KAT6B: variants seen among roughly 807,000 people sequenced by gnomAD.
KAT6B encodes the protein lysine acetyltransferase 6B, also known as histone acetyltransferase KAT6B.
Under a neutral mutation model 187.5 loss-of-function variants are expected in KAT6B, and 10 were observed. The ratio of observed to expected loss-of-function variants is 0.05; its 90% CI spans 0.03 to 0.09. The LOEUF is 0.09. Ranked by LOEUF, KAT6B falls within the 10% of genes least tolerant of loss-of-function variation. The pLI is 1.00. For synonymous variants in KAT6B, 861 were observed against 926.8 expected, an observed-to-expected ratio of 0.93 and a Z score of 1.29; for missense variants, 1,952 against 2,558.9, an observed-to-expected ratio of 0.76 and a Z score of 5.12.
At chr10:74,967,376 T>A (rs1298078349) in intron 4 of KAT6B, among the ~76,000 whole-genome samples, 6 of 152,110 alleles carry the variant, frequency 3.9e-5, no homozygotes, top group African/African-American at 1.4e-4. Flanking sequence ...GTTGAGTTTA[T>A]GAAATCGCTA....
chr10:74,971,480 T>A (rs1184250882), intron 6 of KAT6B, among the ~76,000 whole-genome samples: 2 of 152,232 alleles, frequency 1.3e-5, no homozygotes, highest in Non-Finnish European at 2.9e-5. Context: ...TTATTATTTT[T>A]AAAATTTTAC....
At chr10:74,938,684 A>G (rs1326124816) in intron 3 of KAT6B, among the ~76,000 whole-genome samples, 1 of 152,208 alleles carries the variant, frequency 6.6e-6, no homozygotes, top group Admixed American at 6.5e-5. Flanking sequence ...TCTGTCAAAC[A>G]TACATGGAGA....
At chr10:75,018,314 T>C (rs1463996197) in intron 13 of KAT6B, among the ~76,000 whole-genome samples, 1 of 152,202 alleles carries the variant, frequency 6.6e-6, no homozygotes, top group Non-Finnish European at 1.5e-5. Context: ...CCCAGGACTC[T>C]TCCGTGACTA....
At chr10:74,888,544 C>T (rs1223536032) in intron 3 of KAT6B, among the ~76,000 whole-genome samples, 1 of 152,054 alleles carries the variant, frequency 6.6e-6, no homozygotes, top group African/African-American at 2.4e-5. Flanking sequence ...ATGATTTTAT[C>T]CCATCAGATT....
In KAT6B at chr10:74,918,409, T is replaced by A. The variant is rs1164838340; in HGVS notation, c.622-41561T>A. Among the ~76,000 whole-genome samples, 6 of 152,258 alleles carry A rather than the reference T, an allele frequency of 3.9e-5. No individual in the cohort carries two copies. The South Asian group carries it at 1.0e-3, about 26-fold the overall frequency. Reference sequence around the variant, plus strand: ...GTTATCTAGATGCTCAGCAGATTTTTAAAAAATGAATAGATATATGACTGG... The same window carrying A: ...GTTATCTAGATGCTCAGCAGATTTTAAAAAAATGAATAGATATATGACTGG... On this transcript the variant is annotated intron_variant, in intron 3 of 17. Coordinates refer to ENST00000287239, the MANE Select transcript of KAT6B (RefSeq NM_012330.4).
At chr10:74,938,557 T>C (rs1849429351) in intron 3 of KAT6B, among the ~76,000 whole-genome samples, 2 of 152,180 alleles carry the variant, frequency 1.3e-5, no homozygotes, top group South Asian at 4.1e-4. Context: ...GGGTCTATGC[T>C]TACTGATTAT....
At chr10:75,018,007 G>A (rs562374320) in intron 13 of KAT6B, among the ~76,000 whole-genome samples, 2 of 152,344 alleles carry the variant, frequency 1.3e-5, no homozygotes, top group East Asian at 3.9e-4. Context: ...AGTCAGAGAG[G>A]AGAGGGAAAA....
intron 3 of KAT6B, among the ~76,000 whole-genome samples, chr10:74,935,645 G>A (rs1408186627): frequency 6.6e-6 from 1 of 152,124 alleles, no homozygotes; most frequent in Non-Finnish European, 1.5e-5. Context: ...AAGTAAAATT[G>A]AACAAAATCC....
intron 4 of KAT6B, among the ~76,000 whole-genome samples, chr10:74,966,021 G>A (rs535969808): frequency 1.3e-5 from 2 of 151,992 alleles, no homozygotes; most frequent in African/African-American, 4.8e-5. Flanking sequence ...GAGGATCCAT[G>A]TTCTTATCCA....
intron 3 of KAT6B, among the ~76,000 whole-genome samples, chr10:74,899,362 C>G (rs1846227465): frequency 6.6e-6 from 1 of 150,776 alleles, no homozygotes; most frequent in African/African-American, 2.4e-5. Flanking sequence ...CAACTTCTGC[C>G]TCTTGGGTTC....
chr10:74,958,772 G>T (rs1840868584), intron 3 of KAT6B, among the ~76,000 whole-genome samples: 1 of 152,146 alleles, frequency 6.6e-6, no homozygotes, highest in African/African-American at 2.4e-5. Context: ...GGGCTCGGTG[G>T]CTCACGCCTG....
rs901113588 is a variant in KAT6B at position 75,025,097 on chromosome 10, A to T, written c.3512A>T (p.Gln1171Leu). ...TCAGATGAAGAGAGGCCAATGCCAC[A>T]GCTGGAGCCTACCTGTGAGATTGAA... Reference protein sequence around the residue: ...DNSDEERPMPQLEPTCEIEVE... With the variant: ...DNSDEERPMPLLEPTCEIEVE... The change falls in exon 17 of 18, where the codon CAG becomes CTG. Residue 1171 changes from glutamine to leucine, a missense_variant. Gln to Leu is a moderately radical substitution (Grantham distance 113, BLOSUM62 -2). Coordinates refer to ENST00000287239, the MANE Select transcript of KAT6B (RefSeq NM_012330.4). 11 of 1,614,262 alleles carry T rather than the reference A, an allele frequency of 6.8e-6. No individual in the cohort carries two copies. Among genetic ancestry groups the T allele is most frequent in the Non-Finnish European group, 9.3e-6 (11 of 1,180,048 alleles).
chr10:74,938,149 C>T (rs1241767269), intron 3 of KAT6B, among the ~76,000 whole-genome samples: 1 of 152,112 alleles, frequency 6.6e-6, no homozygotes, highest in African/African-American at 2.4e-5. Context: ...TTTTAAATGA[C>T]CTGTATTCTT....
chr10:74,843,564 T>G (rs1056387618), intron 3 of KAT6B, 86 bp downstream of exon 3: 2 of 1,516,136 alleles, frequency 1.3e-6, no homozygotes, highest in African/African-American at 2.7e-5. Context: ...GGACAAAAGT[T>G]CTGAATAAAG....
chr10:75,032,230 CAA>C lies in KAT6B; in HGVS notation c.*1189_*1190del, dbSNP rs1308345055. On this transcript the variant is annotated 3_prime_UTR_variant, in exon 18 of 18. Transcript: ENST00000287239. ...TTTTTAGTCAGTCACTTCAAAAAAA[CAA>C]AAAACAAACAAAAAAAAGCTGTACA... 1.0e-4 allele frequency: 20 copies of C among 191,180 alleles called. No individual in the cohort carries two copies. Among genetic ancestry groups the C allele is most frequent in the Non-Finnish European group, 2.1e-4 (19 of 91,280 alleles). 11.8% of individuals were successfully genotyped at this position (191,180 alleles called of 1,614,324 possible).
intron 3 of KAT6B, among the ~76,000 whole-genome samples, chr10:74,900,628 A>G (rs866085335): frequency 2.0e-5 from 3 of 152,236 alleles, no homozygotes; most frequent in Non-Finnish European, 2.9e-5. Context: ...TGCTCACTCA[A>G]CTGGCTAGGG....
In KAT6B at chr10:75,031,461, G is replaced by C. The variant is rs1012419019; in HGVS notation, c.*415G>C. 6.2e-6 allele frequency: 2 copies of C among 322,866 alleles called. No homozygotes were observed. Among genetic ancestry groups the C allele is most frequent in the African/African-American group, 4.2e-5 (2 of 47,154 alleles). 20.0% of individuals were successfully genotyped at this position (322,866 alleles called of 1,614,324 possible). Reference sequence around the variant, plus strand: ...CCATGTAAATGCCTTTAGCATTTCAGTTATTGTATATTTTGTTTAAGGTGA... The same window carrying C: ...CCATGTAAATGCCTTTAGCATTTCACTTATTGTATATTTTGTTTAAGGTGA... On this transcript the variant is annotated 3_prime_UTR_variant, in exon 18 of 18. Coordinates refer to ENST00000287239, the MANE Select transcript of KAT6B (RefSeq NM_012330.4).
At chr10:74,934,485 T>C (rs1437954270) in intron 3 of KAT6B, among the ~76,000 whole-genome samples, 1 of 152,186 alleles carries the variant, frequency 6.6e-6, no homozygotes, top group Non-Finnish European at 1.5e-5. Context: ...TGACTGACCA[T>C]GCCGGCTGCA....
At chr10:75,019,065 G>C (rs1279215660) in intron 13 of KAT6B, among the ~76,000 whole-genome samples, 1 of 152,170 alleles carries the variant, frequency 6.6e-6, no homozygotes, top group Non-Finnish European at 1.5e-5. Context: ...CACAATATGG[G>C]CTGGCTTCGG....
Sources: allele counts gnomAD v4.1 joint callset (sites outside exome capture counted in the v4.1 genomes callset), GRCh38; gene constraint gnomAD v4.1.1; transcripts MANE v1.5; gene names NCBI Gene and HGNC (gene_info 2026-07-23, HGNC 2026-07-21).